Variants in TCERG1L observed in about 807,000 individuals in gnomAD.
TCERG1L encodes the protein transcription elongation regulator 1 like.
In TCERG1L, 37 loss-of-function variants were observed where a neutral mutation model predicts 56.3. That is an observed-to-expected ratio of 0.66 (90% CI 0.51 to 0.87). The LOEUF (loss-of-function observed/expected upper bound fraction) is 0.87, where lower values mean the gene tolerates loss of function less well. Ranked by LOEUF, TCERG1L falls within the 40% of genes least tolerant of loss-of-function variation. TCERG1L has a pLI of 0.00. For synonymous variants in TCERG1L, 324 were observed against 326.3 expected (o/e 0.99, Z 0.08); for missense variants, 799 against 774.2 (o/e 1.03, Z -0.38).
At chr10:131,104,991 A>G (rs530112895) in intron 9 of TCERG1L, among the ~76,000 whole-genome samples, 1 of 152,268 alleles carries the variant, frequency 6.6e-6, no homozygotes, top group African/African-American at 2.4e-5. Flanking sequence ...GTTTTACCCA[A>G]TTTTCCATTT....
intron 4 of TCERG1L, among the ~76,000 whole-genome samples, chr10:131,182,616 G>A (rs1049698460): frequency 4.6e-5 from 7 of 152,158 alleles, no homozygotes; most frequent in African/African-American, 1.7e-4. Flanking sequence ...GGATCCCTCT[G>A]CCGTGTGGTT....
intron 6 of TCERG1L, among the ~76,000 whole-genome samples, chr10:131,160,257 G>A (rs1475677664): frequency 6.6e-6 from 1 of 152,164 alleles, no homozygotes; most frequent in African/African-American, 2.4e-5. Context: ...AAGACGACAT[G>A]GCCAGGAATC....
chr10:131,299,601 T>C (rs1846738327), intron 3 of TCERG1L, among the ~76,000 whole-genome samples: 2 of 147,968 alleles, frequency 1.4e-5, no homozygotes, highest in Non-Finnish European at 3.0e-5. Context: ...TAGATGTTCC[T>C]TAGATGTCCT....
chr10:131,266,967 C>T (rs779800365), intron 3 of TCERG1L, among the ~76,000 whole-genome samples: 1 of 152,010 alleles, frequency 6.6e-6, no homozygotes, highest in Non-Finnish European at 1.5e-5. Flanking sequence ...CATGAGAGGG[C>T]CTGGAAAAGG....
At chr10:131,215,052 G>C (rs1226532735) in intron 4 of TCERG1L, among the ~76,000 whole-genome samples, 2 of 152,174 alleles carry the variant, frequency 1.3e-5, no homozygotes, top group African/African-American at 2.4e-5. Flanking sequence ...AGGTGAGTGG[G>C]AGGCAGCCCA....
intron 10 of TCERG1L, among the ~76,000 whole-genome samples, chr10:131,100,952 G>T (rs993706534): frequency 6.6e-6 from 1 of 152,164 alleles, no homozygotes; most frequent in Admixed American, 6.5e-5. Flanking sequence ...TGGCTATGGC[G>T]TGGCCTGCTT....
At chr10:131,162,979 T>C in intron 6 of TCERG1L, 143 bp downstream of exon 6, 2 of 609,630 alleles carry the variant, frequency 3.3e-6, no homozygotes, top group South Asian at 2.5e-5. Flanking sequence ...AGTGCAGAAT[T>C]ACACCTGCCG....
At chr10:131,198,002 T>C (rs968019000) in intron 4 of TCERG1L, among the ~76,000 whole-genome samples, 4 of 152,116 alleles carry the variant, frequency 2.6e-5, no homozygotes, top group African/African-American at 9.7e-5. Context: ...AGAATAGATA[T>C]TTAATTCAAA....
intron 6 of TCERG1L, chr10:131,162,754 G>A (rs1312248410): frequency 1.2e-5 from 2 of 173,052 alleles, no homozygotes; most frequent in Non-Finnish European, 2.4e-5. Context: ...GAACAGGCAC[G>A]TCTTTAATTA....
chr10:131,257,301 G>C (rs1846183570), intron 4 of TCERG1L, among the ~76,000 whole-genome samples: 1 of 152,170 alleles, frequency 6.6e-6, no homozygotes, highest in Admixed American at 6.5e-5. Context: ...CCATCCCCTG[G>C]GAGGGCAGCA....
chr10:131,289,804 GAGC>G (rs368578357), intron 3 of TCERG1L, among the ~76,000 whole-genome samples: 2 of 43,012 alleles, frequency 4.6e-5, no homozygotes, highest in Admixed American at 2.8e-4. Context: ...TGCTGTGTGT[GAGC>G]AGGTGTGCAC....
At chr10:131,207,482 G>A (rs1296321695) in intron 4 of TCERG1L, among the ~76,000 whole-genome samples, 1 of 152,232 alleles carries the variant, frequency 6.6e-6, no homozygotes, top group Admixed American at 6.5e-5. Context: ...TTCCCTTGAA[G>A]TGGCAATGCC....
intron 5 of TCERG1L, 117 bp downstream of exon 5, chr10:131,166,680 C>T: frequency 5.0e-6 from 5 of 1,009,624 alleles, no homozygotes; most frequent in Non-Finnish European, 7.4e-6. Context: ...CTTCACACAG[C>T]AGATGGCAGT....
intron 4 of TCERG1L, among the ~76,000 whole-genome samples, chr10:131,221,967 T>G (rs1387709422): frequency 6.6e-6 from 1 of 152,238 alleles, no homozygotes; most frequent in East Asian, 1.9e-4. Flanking sequence ...TCATTTTCGC[T>G]TGTTTACTGC....
intron 4 of TCERG1L, among the ~76,000 whole-genome samples, chr10:131,255,644 A>T (rs932505099): frequency 4.6e-5 from 7 of 152,206 alleles, no homozygotes; most frequent in Admixed American, 1.3e-4. Context: ...CTTCAAAGAG[A>T]GGGTGAATTG....
chr10:131,255,282 GACA>G (rs1260453663), intron 4 of TCERG1L, among the ~76,000 whole-genome samples: 1 of 152,190 alleles, frequency 6.6e-6, no homozygotes, highest in Non-Finnish European at 1.5e-5. Flanking sequence ...TGCCAGCAGG[GACA>G]ACTTTAAAGA....
chr10:131,267,854 C>T lies in TCERG1L; in HGVS notation c.671-7410G>A, dbSNP rs915608855. ...GTGGGGGCTCCAGGGCCTTGCCAGG[C>T]CCGTGCCAGAGTCGAGGGCAAGGGT... is the stretch of plus-strand genomic sequence containing the variant. On this transcript the variant is annotated intron_variant, in intron 3 of 11. Transcript: ENST00000368642. This position sits in a 1 kb window ranked among gnomAD's most constrained non-coding sequence, Gnocchi z 4.9. Among the ~76,000 whole-genome samples, 8 of 152,216 alleles carry T rather than the reference C, an allele frequency of 5.3e-5. No homozygotes were observed. Among genetic ancestry groups the T allele is most frequent in the African/African-American group, 1.9e-4 (8 of 41,460 alleles).
intron 4 of TCERG1L, among the ~76,000 whole-genome samples, chr10:131,175,897 G>A (rs10765046): frequency 0.46 from 69,910 of 152,064 alleles, 19,179 homozygotes; most frequent in South Asian, 0.68. Flanking sequence ...GAGGAAGGCA[G>A]TAGAGATTCA....
chr10:131,151,405 A>C (rs1845866631), intron 6 of TCERG1L, among the ~76,000 whole-genome samples: 1 of 149,750 alleles, frequency 6.7e-6, no homozygotes, highest in South Asian at 2.1e-4. Flanking sequence ...GGCCCCATGC[A>C]AGTCCAAAAT....
Sources: gnomAD v4.1 joint callset for allele counts (sites outside exome capture counted in the v4.1 genomes callset) on GRCh38, gnomAD v4.1.1 for gene constraint, Gnocchi (gnomAD v3.1) non-coding constraint, MANE v1.5 for transcripts, NCBI Gene and HGNC (gene_info 2026-07-23, HGNC 2026-07-21) for gene names.